The following CFAP61 variants were observed in gnomAD, a reference collection of about 807,000 sequenced individuals.
CFAP61 encodes cilia- and flagella-associated protein 61.
Under a neutral mutation model 135.6 loss-of-function variants are expected in CFAP61, and 107 were observed. That is an observed-to-expected ratio of 0.79 (90% CI 0.67 to 0.93). The LOEUF (loss-of-function observed/expected upper bound fraction) is 0.93. CFAP61 is among the 40% of genes least tolerant of loss of function. The pLI, the probability that CFAP61 is intolerant of heterozygous loss-of-function variation, is 0.00. For missense variants in CFAP61, 1,507 were observed against 1,556.2 expected, an observed-to-expected ratio of 0.97 and a Z score of 0.53; for synonymous variants, 575 against 578.5, an observed-to-expected ratio of 0.99 and a Z score of 0.09.
At chr20:20,118,010 G>T (rs571278595) in intron 8 of CFAP61, among the ~76,000 whole-genome samples, 2 of 152,178 alleles carry the variant, frequency 1.3e-5, no homozygotes, top group South Asian at 4.1e-4. Context: ...GTTTTTCTAA[G>T]TATAAGATCA....
chr20:20,355,621 GAGA>G (rs1488632332), intron 26 of CFAP61, among the ~76,000 whole-genome samples: 2 of 144,826 alleles, frequency 1.4e-5, no homozygotes, highest in African/African-American at 2.6e-5. Context: ...TGTGAGAGGG[GAGA>G]AGGTCACACT....
chr20:20,235,276 A>G (rs1288065773), intron 18 of CFAP61, among the ~76,000 whole-genome samples: 1 of 152,044 alleles, frequency 6.6e-6, no homozygotes. Context: ...GAGACTCCCA[A>G]ACTCTCAGGA....
chr20:20,090,133 C>T (rs1382622418), intron 6 of CFAP61, among the ~76,000 whole-genome samples: 1 of 152,104 alleles, frequency 6.6e-6, no homozygotes, highest in African/African-American at 2.4e-5. Context: ...GTCTCTTGTC[C>T]TTTGGCCCAT....
intron 24 of CFAP61, among the ~76,000 whole-genome samples, chr20:20,294,135 C>G (rs757210172): frequency 3.0e-4 from 46 of 152,198 alleles, no homozygotes; most frequent in Non-Finnish European, 6.0e-4. Context: ...TATACCCTAC[C>G]AAACCGGAAG....
rs765170934 is a variant in CFAP61 at position 20,070,891 on chromosome 20, A to C, written c.181A>C (p.Lys61Gln). The C allele has an allele frequency of 6.2e-7, 1 of 1,614,036 alleles. No homozygotes were observed. Among genetic ancestry groups the C allele is most frequent in the Non-Finnish European group, 8.5e-7 (1 of 1,179,942 alleles). ...ANLAVTLCND[K>Q]EEIMAQATFL... ...CCTTGCTGTTACCCTCTGCAATGAC[A>C]AGGAGGAGATCATGGCCCAGGCCAC... The change falls in exon 3 of 27, where the codon AAG becomes CAG. Residue 61 changes from lysine to glutamine, a missense_variant. Coordinates refer to ENST00000245957, the MANE Select transcript of CFAP61 (RefSeq NM_015585.4).
intron 7 of CFAP61, among the ~76,000 whole-genome samples, chr20:20,093,581 T>C (rs1440850584): frequency 6.6e-6 from 1 of 151,830 alleles, no homozygotes; most frequent in Admixed American, 6.6e-5. Context: ...ATTACATGCA[T>C]GTGCCACCAC....
At chr20:20,106,099 A>T (rs2048391065) in intron 8 of CFAP61, among the ~76,000 whole-genome samples, 1 of 143,786 alleles carries the variant, frequency 7.0e-6, no homozygotes, top group Non-Finnish European at 1.5e-5. Flanking sequence ...GCTTTGCAAG[A>T]GATGTTGATA....
chr20:20,338,334 C>T (rs1395648522), intron 25 of CFAP61, among the ~76,000 whole-genome samples: 4 of 152,240 alleles, frequency 2.6e-5, no homozygotes, highest in Non-Finnish European at 5.9e-5. Flanking sequence ...AGAAAAGTGG[C>T]TCCTCCTGAC....
chr20:20,090,327 A>G (rs1277904337), intron 6 of CFAP61, among the ~76,000 whole-genome samples: 1 of 152,150 alleles, frequency 6.6e-6, no homozygotes. Context: ...ATCCCAAAGC[A>G]TGTATCATTA....
rs144365255 is a variant in CFAP61 at position 20,290,300 on chromosome 20, G to C, written c.3125G>C (p.Gly1042Ala). Residue 1042 changes from glycine (G) to alanine (A), a missense_variant and splice_region_variant, in exon 24 of 27, where the codon GGG becomes GCG. Gly to Ala is a moderately conservative substitution (Grantham distance 60). Coordinates refer to ENST00000245957, the MANE Select transcript of CFAP61 (RefSeq NM_015585.4). ...ATGGAAAACTTGCCATCTCTTCTAGGGGGCATTCTTCCTGGGTCTTACCAT... is the reference window on the plus strand; with the variant it reads ...ATGGAAAACTTGCCATCTCTTCTAGCGGGCATTCTTCCTGGGTCTTACCAT... ...IPMYKGAKIQ[G>A]GILPGSYHYL... is the part of the protein sequence containing the mutation. 11 of 1,601,620 alleles carry C rather than the reference G, an allele frequency of 6.9e-6. No homozygotes were observed. Among genetic ancestry groups the C allele is most frequent in the Admixed American group, 1.7e-5 (1 of 60,004 alleles).
intron 25 of CFAP61, among the ~76,000 whole-genome samples, chr20:20,322,144 A>G (rs1046393738): frequency 4.6e-5 from 7 of 152,206 alleles, no homozygotes; most frequent in Non-Finnish European, 7.3e-5. Flanking sequence ...AGAAGCTTCC[A>G]GATGGTTTCA....
chr20:20,234,107 T>C (rs1569169956), intron 18 of CFAP61, among the ~76,000 whole-genome samples: 2 of 152,166 alleles, frequency 1.3e-5, no homozygotes, highest in East Asian at 1.9e-4. Context: ...AAACAAAGCA[T>C]TTGGATACAA....
intron 17 of CFAP61, among the ~76,000 whole-genome samples, chr20:20,202,142 C>T (rs1345622311): frequency 6.6e-6 from 1 of 152,086 alleles, no homozygotes; most frequent in Non-Finnish European, 1.5e-5. Context: ...TAACCTTTTC[C>T]ATGTTTATCT....
Position 20,222,470 on chromosome 20 carries a change from C to T in CFAP61, c.1933-5779C>T, listed in dbSNP as rs573210504. ...AATCACCGTTACCCTCAGTGGATACCACAGACACAACAGTTTACACTTTTT... is the reference window on the plus strand; with the variant it reads ...AATCACCGTTACCCTCAGTGGATACTACAGACACAACAGTTTACACTTTTT... On this transcript the variant is annotated intron_variant, in intron 17 of 26. Transcript: ENST00000245957. Among the ~76,000 whole-genome samples the T allele has an allele frequency of 1.6e-3, 250 of 152,106 alleles. 2 individuals carry two copies. The highest frequency in any genetic ancestry group is 5.9e-3 in the African/African-American group (243 of 41,494).
intron 21 of CFAP61, among the ~76,000 whole-genome samples, chr20:20,274,483 A>C (rs1194740591): frequency 1.3e-5 from 2 of 152,150 alleles, no homozygotes; most frequent in Middle Eastern, 3.2e-3. Flanking sequence ...GAACATGTCA[A>C]AACTTCGTCT....
chr20:20,196,525 T>C, intron 15 of CFAP61, 45 bp from the exon 16 acceptor site: 1 of 1,386,874 alleles, frequency 7.2e-7, no homozygotes, highest in Non-Finnish European at 1.0e-6. Context: ...GCATGCCGTT[T>C]GTTTAAAATG....
chr20:20,164,774 C>A (rs533112392), intron 11 of CFAP61, among the ~76,000 whole-genome samples: 1 of 152,266 alleles, frequency 6.6e-6, no homozygotes, highest in Non-Finnish European at 1.5e-5. Flanking sequence ...GTGATAAAGA[C>A]ATACTCAAGA....
chr20:20,310,524 A>T (rs2056757891), intron 25 of CFAP61, among the ~76,000 whole-genome samples: 1 of 152,234 alleles, frequency 6.6e-6, no homozygotes, highest in Non-Finnish European at 1.5e-5. Context: ...TCCACTGCAG[A>T]CAGCAGAATC....
At chr20:20,322,527 T>A (rs997975772) in intron 25 of CFAP61, 5 of 216,792 alleles carry the variant, frequency 2.3e-5, no homozygotes, top group African/African-American at 1.2e-4. Flanking sequence ...TGACCTCCTG[T>A]ATCTAAGCCC....
Sources: gnomAD v4.1 joint callset for allele counts (sites outside exome capture counted in the v4.1 genomes callset) on GRCh38, gnomAD v4.1.1 for gene constraint, MANE v1.5 for transcripts, NCBI Gene and HGNC (gene_info 2026-07-23, HGNC 2026-07-21) for gene names.